KLF12: variants seen among roughly 807,000 people sequenced by gnomAD.
KLF12 encodes the protein KLF transcription factor 12.
Under a neutral mutation model 37.8 loss-of-function variants are expected in KLF12, and 9 were observed. The observed-to-expected ratio is 0.24, with a 90% CI of 0.14 to 0.42. KLF12 has a LOEUF of 0.42. KLF12 is among the 10% of genes least tolerant of loss of function. The probability of loss-of-function intolerance (pLI) is 1.00; values close to 1 mark genes in which losing one functional copy is unlikely to be tolerated. For synonymous variants in KLF12, 208 were observed against 202.1 expected, an observed-to-expected ratio of 1.03 and a Z score of -0.25; for missense variants, 411 against 516.0, an observed-to-expected ratio of 0.80 and a Z score of 1.97.
At chr13:73,833,709 T>C (rs1884283366) in intron 4 of KLF12, among the ~76,000 whole-genome samples, 1 of 152,140 alleles carries the variant, frequency 6.6e-6, no homozygotes, top group Admixed American at 6.5e-5. Context: ...GCTTTCTACA[T>C]GGATAAAGGT....
the KLF12 span, among the ~76,000 whole-genome samples, chr13:74,274,303 T>C: frequency 6.6e-6 from 1 of 152,170 alleles, no homozygotes; most frequent in Admixed American, 6.5e-5. Context: ...TTACATATAA[T>C]CAGCTCATAC....
the KLF12 span, among the ~76,000 whole-genome samples, chr13:74,251,992 G>A: frequency 2.0e-5 from 3 of 152,134 alleles, no homozygotes; most frequent in Admixed American, 2.0e-4. Context: ...CAGATGGCAG[G>A]TAATCATTAG....
chr13:73,929,868 A>G (rs975315569), intron 3 of KLF12, among the ~76,000 whole-genome samples: 1 of 152,214 alleles, frequency 6.6e-6, no homozygotes, highest in Non-Finnish European at 1.5e-5. Context: ...TCCATATCCT[A>G]GCAGCAAGAG....
At position 73,702,946 on chromosome 13, in the gene KLF12, T is replaced by C. The variant is rs111236380; in HGVS notation, c.1028-7275A>G. 6.8e-3 allele frequency among the ~76,000 whole-genome samples: 1,039 copies of C among 152,258 alleles called. 9 individuals carry two copies. Among genetic ancestry groups the C allele is most frequent in the African/African-American group, 0.024 (982 of 41,550 alleles). ...CTGAGATTACAAGGCCCCTGACTTGTCTGCAGACAGACCAGGCGGCTATAC... is the reference window on the plus strand; with the variant it reads ...CTGAGATTACAAGGCCCCTGACTTGCCTGCAGACAGACCAGGCGGCTATAC... On this transcript the variant is annotated intron_variant, in intron 7 of 7. Coordinates refer to ENST00000377669, the MANE Select transcript of KLF12 (RefSeq NM_007249.5).
chr13:73,876,300 T>C (rs551378982), intron 3 of KLF12, among the ~76,000 whole-genome samples: 2 of 152,370 alleles, frequency 1.3e-5, no homozygotes, highest in African/African-American at 4.8e-5. Context: ...TAGCTGGGAC[T>C]GTTTTCAGCT....
chr13:73,738,134 C>CATATATGTATGTGT (rs1449933940), intron 6 of KLF12, among the ~76,000 whole-genome samples: 2 of 94,956 alleles, frequency 2.1e-5, no homozygotes, highest in African/African-American at 6.3e-5. Flanking sequence ...TACACACACA[C>CATATATGTATGTGT]ACATATATAT....
At chr13:74,100,113 T>TG (rs1402981781) in intron 1 of KLF12, among the ~76,000 whole-genome samples, 4 of 151,900 alleles carry the variant, frequency 2.6e-5, no homozygotes, top group Non-Finnish European at 4.4e-5. Context: ...AGAGGGGTTG[T>TG]GGGGGTGAAG....
chr13:74,063,634 C>A (rs1873739271), intron 1 of KLF12, among the ~76,000 whole-genome samples: 1 of 152,058 alleles, frequency 6.6e-6, no homozygotes, highest in East Asian at 1.9e-4. Context: ...CATAAAATGA[C>A]AGGGGGCCTT....
intron 3 of KLF12, among the ~76,000 whole-genome samples, chr13:73,869,249 T>C (rs1244311254): frequency 1.3e-5 from 2 of 152,188 alleles, no homozygotes; most frequent in Non-Finnish European, 2.9e-5. Flanking sequence ...GATGCACCAT[T>C]ATTCAGAGTA....
chr13:74,096,099 G>C (rs1875968867), intron 1 of KLF12, among the ~76,000 whole-genome samples: 1 of 152,090 alleles, frequency 6.6e-6, no homozygotes, highest in Admixed American at 6.6e-5. Flanking sequence ...ATTATTTGCT[G>C]GTGAGTGCAC....
the KLF12 span, among the ~76,000 whole-genome samples, chr13:74,241,105 T>C: frequency 2.3e-3 from 352 of 151,792 alleles, 6 homozygotes; most frequent in East Asian, 0.054. Flanking sequence ...ATGATGGTGA[T>C]GTACAGATGG....
intron 1 of KLF12, among the ~76,000 whole-genome samples, chr13:74,044,818 C>CT (rs1893498471): frequency 6.6e-6 from 1 of 150,926 alleles, no homozygotes; most frequent in Non-Finnish European, 1.5e-5. Flanking sequence ...GCACTCCAGC[C>CT]TGGGTGACAA....
chr13:74,081,404 G>C (rs980754635), intron 1 of KLF12, among the ~76,000 whole-genome samples: 2 of 152,094 alleles, frequency 1.3e-5, no homozygotes, highest in African/African-American at 4.8e-5. Flanking sequence ...AAGTACTATA[G>C]ATTTCAGGAC....
the KLF12 span, among the ~76,000 whole-genome samples, chr13:74,208,172 T>C: frequency 6.6e-6 from 1 of 152,332 alleles, no homozygotes; most frequent in Non-Finnish European, 1.5e-5. Flanking sequence ...GATCATATCT[T>C]TACATTAATA....
chr13:74,209,328 G>A, the KLF12 span, among the ~76,000 whole-genome samples: 10 of 151,674 alleles, frequency 6.6e-5, no homozygotes, highest in Middle Eastern at 3.4e-3. Context: ...TTTTTTTCCC[G>A]TTTAAAAAGT....
intron 1 of KLF12, among the ~76,000 whole-genome samples, chr13:74,116,278 T>G (rs888731719): frequency 3.3e-5 from 5 of 152,092 alleles, no homozygotes; most frequent in Admixed American, 6.5e-5. Context: ...TCTTTGCTCC[T>G]AGGGAAAAAA....
chr13:74,211,003 C>G, the KLF12 span, among the ~76,000 whole-genome samples: 1 of 152,156 alleles, frequency 6.6e-6, no homozygotes, highest in African/African-American at 2.4e-5. Flanking sequence ...GTCCTGTAGC[C>G]CAGAGAGTCT....
At chr13:74,056,244 C>T (rs551665745) in intron 1 of KLF12, among the ~76,000 whole-genome samples, 1 of 152,266 alleles carries the variant, frequency 6.6e-6, no homozygotes, top group South Asian at 2.1e-4. Flanking sequence ...AGGAAGAAAA[C>T]CAAGAACCAT....
At chr13:73,874,054 T>A (rs1886593442) in intron 3 of KLF12, among the ~76,000 whole-genome samples, 1 of 152,220 alleles carries the variant, frequency 6.6e-6, no homozygotes, top group Non-Finnish European at 1.5e-5. Context: ...GGTCGAGGAC[T>A]GTTCACAGGG....
Sources: gnomAD v4.1 joint callset for allele counts (sites outside exome capture counted in the v4.1 genomes callset) on GRCh38, gnomAD v4.1.1 for gene constraint, MANE v1.5 for transcripts, NCBI Gene and HGNC (gene_info 2026-07-23, HGNC 2026-07-21) for gene names.